RAB35: variants seen among roughly 807,000 people sequenced by gnomAD.
RAB35 encodes ras-related protein Rab-35.
Under a neutral mutation model 28.9 loss-of-function variants are expected in RAB35, and 4 were observed. The ratio of observed to expected loss-of-function variants is 0.14; its 90% CI spans 0.07 to 0.32. The LOEUF (loss-of-function observed/expected upper bound fraction) is 0.32. Among genes scored for constraint, RAB35 ranks in the 10% least tolerant of loss-of-function variants. The probability of loss-of-function intolerance (pLI) is 1.00; values close to 1 mark genes in which losing one functional copy is unlikely to be tolerated. For missense variants in RAB35, 128 were observed against 274.0 expected (o/e 0.47, Z 3.76); for synonymous variants, 99 against 105.1 (o/e 0.94, Z 0.35).
intron 3 of RAB35, among the ~76,000 whole-genome samples, chr12:120,099,945 G>A (rs1010671377): frequency 2.6e-5 from 4 of 152,094 alleles, no homozygotes; most frequent in African/African-American, 9.7e-5. Context: ...CGGCAGCCCC[G>A]CCCCACACTG....
chr12:120,110,290 A>ATTTTTTTTTGTTTTTTTTTTTTT lies in RAB35; in HGVS notation c.53-1824_53-1823insAAAAAAAAAAAAACAAAAAAAAA, dbSNP rs1876062591. 2.3e-5 allele frequency among the ~76,000 whole-genome samples: 2 copies of ATTTTTTTTTGTTTTTTTTTTTTT among 88,596 alleles called. 1 individual carries two copies. The highest frequency in any genetic ancestry group is 4.1e-5 in the Non-Finnish European group (2 of 49,302). The allele number at this position is 88,596 out of a possible 152,430, so 58.1% of individuals were successfully genotyped here. On this transcript the variant is annotated intron_variant, in intron 1 of 5. Transcript: ENST00000229340. ...TCTGTTCATGGGAGAAGCCCACAGC[A>ATTTTTTTTTGTTTTTTTTTTTTT]TTTTTTTTTTTTTTGGAGAGATAGG...
At chr12:120,110,621 G>A (rs577344812) in intron 1 of RAB35, among the ~76,000 whole-genome samples, 45 of 152,168 alleles carry the variant, frequency 3.0e-4, no homozygotes, top group African/African-American at 8.9e-4. Context: ...TAACCAAAGC[G>A]GAAAACCACT....
chr12:120,115,090 C>T (rs1876276430), intron 1 of RAB35, among the ~76,000 whole-genome samples: 1 of 152,116 alleles, frequency 6.6e-6, no homozygotes, highest in Admixed American at 6.5e-5. Flanking sequence ...GTCAGTACTC[C>T]ACCTTTCTAC....
In RAB35 at chr12:120,103,397, G is replaced by C. The variant is rs1053036256; in HGVS notation, c.227+429C>G. 6.6e-6 allele frequency among the ~76,000 whole-genome samples: 1 copy of C among 152,162 alleles called. No individual in the cohort carries two copies. Among genetic ancestry groups the C allele is most frequent in the African/African-American group, 2.4e-5 (1 of 41,436 alleles). On this transcript the variant is annotated intron_variant, in intron 3 of 5. Coordinates refer to ENST00000229340, the MANE Select transcript of RAB35 (RefSeq NM_006861.7). The surrounding 1 kb of genome is among the most constrained non-coding windows in gnomAD (Gnocchi z 6.1). ...CTTCCAAGGCATCAGTGCAGGTGAC[G>C]GGAGCCTGCACAGGCCAACTCCAGC...
In RAB35 at chr12:120,095,155, T is replaced by G. The variant is rs2139043358; in HGVS notation, c.*2090A>C. ...TTTTTAAAAAGCATAATTAGAAACT[T>G]TCAATACAGAAATACTCCTAGCAAA... On this transcript the variant is annotated 3_prime_UTR_variant, in exon 6 of 6. Transcript: ENST00000229340. 6.6e-6 allele frequency: 1 copy of G among 152,508 alleles called. No homozygotes were observed. The highest frequency in any genetic ancestry group is 2.1e-4 in the South Asian group (1 of 4,814). The allele number at this position is 152,508 out of a possible 1,614,324, so 9.4% of individuals were successfully genotyped here.
chr12:120,099,473 T>G (rs2139049348), intron 3 of RAB35: 1 of 392,130 alleles, frequency 2.6e-6, no homozygotes, highest in Non-Finnish European at 4.6e-6. Context: ...TTGAAGTTCT[T>G]GCTTTATTTT....
At chr12:120,116,205 C>G (rs1267343497) in intron 1 of RAB35, among the ~76,000 whole-genome samples, 3 of 152,172 alleles carry the variant, frequency 2.0e-5, no homozygotes, top group African/African-American at 7.2e-5. Flanking sequence ...CTCACACCAC[C>G]CAGCAAGGCA....
At chr12:120,098,681 T>C (rs1421682931) in intron 5 of RAB35, 130 bp downstream of exon 5, 1 of 1,306,348 alleles carries the variant, frequency 7.7e-7, no homozygotes, top group East Asian at 2.4e-5. Context: ...GCCTGGCACA[T>C]AGTAGGCACT....
At position 120,103,561 on chromosome 12, in the gene RAB35, T is replaced by C. The variant is rs1875745888; in HGVS notation, c.227+265A>G. ...CGGCACAGTGGGCCGGAGGGTCGGC[T>C]GACTCTCCAAGGAGATAGAACATGG... On this transcript the variant is annotated intron_variant, in intron 3 of 5. Coordinates refer to ENST00000229340, the MANE Select transcript of RAB35 (RefSeq NM_006861.7). The surrounding 1 kb of genome is among the most constrained non-coding windows in gnomAD (Gnocchi z 6.1). 6.6e-6 allele frequency among the ~76,000 whole-genome samples: 1 copy of C among 152,216 alleles called. No individual in the cohort carries two copies. The highest frequency in any genetic ancestry group is 2.1e-4 in the South Asian group (1 of 4,828).
At chr12:120,108,786 G>T (rs1875995684) in intron 1 of RAB35, 10 of 510,310 alleles carry the variant, frequency 2.0e-5, no homozygotes, top group Non-Finnish European at 3.7e-5. Flanking sequence ...CGACAAAGCA[G>T]AATGAAGGTC....
intron 2 of RAB35, among the ~76,000 whole-genome samples, chr12:120,107,797 G>A (rs1312600830): frequency 6.8e-6 from 1 of 147,400 alleles, no homozygotes; most frequent in Non-Finnish European, 1.5e-5. Flanking sequence ...AACCCAGGAG[G>A]CAGAGGTTGC....
At chr12:120,112,035 C>T (rs971552259) in intron 1 of RAB35, among the ~76,000 whole-genome samples, 30 of 151,288 alleles carry the variant, frequency 2.0e-4, no homozygotes, top group East Asian at 1.6e-3. Flanking sequence ...GGCTGGAGTA[C>T]GGTGGCGCGA....
chr12:120,098,131 G>A lies in RAB35; in HGVS notation c.477+680C>T, dbSNP rs1029335908. Among the ~76,000 whole-genome samples, 7 of 152,158 alleles carry A rather than the reference G, an allele frequency of 4.6e-5. No homozygotes were observed. The East Asian group carries it at 5.8e-4, about 13-fold the overall frequency. ...GATCTCCTGACCTCGTGATCCGCCC[G>A]CCTCGGCCTCCCAAAGCACTGAGAT... On this transcript the variant is annotated intron_variant, in intron 5 of 5. Coordinates refer to ENST00000229340, the MANE Select transcript of RAB35 (RefSeq NM_006861.7).
At chr12:120,097,898 T>G (rs1321126892) in intron 5 of RAB35, among the ~76,000 whole-genome samples, 12 of 150,334 alleles carry the variant, frequency 8.0e-5, no homozygotes, top group South Asian at 4.3e-4. Flanking sequence ...TTTTTTTTTT[T>G]TGTGAGATGG....
chr12:120,108,179 G>A, intron 2 of RAB35, among the ~76,000 whole-genome samples: 1 of 152,148 alleles, frequency 6.6e-6, no homozygotes, highest in East Asian at 1.9e-4. Context: ...GACCATGGGT[G>A]GGAAAATGAT....
chr12:120,110,739 A>C (rs1486233178), intron 1 of RAB35, among the ~76,000 whole-genome samples: 1 of 152,208 alleles, frequency 6.6e-6, no homozygotes. Flanking sequence ...CACGATGCCC[A>C]GAAGAACTTG....
rs143029389 is a variant in RAB35 at position 120,106,616 on chromosome 12, G to A, written c.103+1801C>T. Among the ~76,000 whole-genome samples, 339 of 146,208 alleles carry A rather than the reference G, an allele frequency of 2.3e-3. 3 individuals are homozygous for A. Among genetic ancestry groups the A allele is most frequent in the African/African-American group, 8.1e-3 (318 of 39,264 alleles). On this transcript the variant is annotated intron_variant, in intron 2 of 5. Transcript: ENST00000229340. ...CTTTTTTTTTTTTTTTTTTTGAGAC[G>A]GAGTCTCACTCTGTCGCCAGGCTGG...
chr12:120,110,518 G>A (rs1457895002), intron 1 of RAB35, among the ~76,000 whole-genome samples: 1 of 151,950 alleles, frequency 6.6e-6, no homozygotes, highest in Non-Finnish European at 1.5e-5. Context: ...GCCTCCCAAG[G>A]TGCTGGGCTA....
chr12:120,108,354 G>A, intron 2 of RAB35, 63 bp downstream of exon 2: 2 of 1,497,048 alleles, frequency 1.3e-6, no homozygotes, highest in Non-Finnish European at 1.9e-6. Context: ...TTTGGTGCCA[G>A]GGAGGGGATG....
Sources: gnomAD v4.1 joint callset for allele counts (sites outside exome capture counted in the v4.1 genomes callset) on GRCh38, gnomAD v4.1.1 for gene constraint, Gnocchi (gnomAD v3.1) non-coding constraint, MANE v1.5 for transcripts, NCBI Gene and HGNC (gene_info 2026-07-23, HGNC 2026-07-21) for gene names.